Variants in ASIC2 observed in about 807,000 individuals in gnomAD.
ASIC2 encodes acid-sensing ion channel 2.
A neutral mutation model predicts 57.3 loss-of-function variants in ASIC2; 25 were observed. That is an observed-to-expected ratio of 0.44 (90% CI 0.32 to 0.61). ASIC2 has a LOEUF of 0.61. ASIC2 is among the 20% of genes least tolerant of loss of function. The pLI, the probability that ASIC2 is intolerant of heterozygous loss-of-function variation, is 0.06. For missense variants in ASIC2, 641 were observed against 738.1 expected, an observed-to-expected ratio of 0.87 and a Z score of 1.52; for synonymous variants, 319 against 307.5, an observed-to-expected ratio of 1.04 and a Z score of -0.39.
In ASIC2 at chr17:33,658,603, G is replaced by A. The variant is rs561220506; in HGVS notation, c.555+497375C>T. Among the ~76,000 whole-genome samples the A allele has an allele frequency of 1.2e-4, 19 of 152,286 alleles. 1 individual carries two copies. The South Asian group carries it at 3.9e-3, about 32-fold the overall frequency. Reference sequence around the variant, plus strand: ...TGAGGGCCTGTTGCTCGTAGATGGTGACTTCTTGTTGTGTCTGCACACGGT... The same window carrying A: ...TGAGGGCCTGTTGCTCGTAGATGGTAACTTCTTGTTGTGTCTGCACACGGT... On this transcript the variant is annotated intron_variant, in intron 1 of 9. Transcript: ENST00000359872.
chr17:33,327,583 A>C (rs1347941516), intron 1 of ASIC2, among the ~76,000 whole-genome samples: 6 of 152,168 alleles, frequency 3.9e-5, no homozygotes, highest in Non-Finnish European at 7.4e-5. Flanking sequence ...CCCTACCCTC[A>C]AGGAGCTAGT....
At chr17:34,150,169 A>G (rs1220569612) in intron 1 of ASIC2, among the ~76,000 whole-genome samples, 1 of 152,190 alleles carries the variant, frequency 6.6e-6, no homozygotes, top group Non-Finnish European at 1.5e-5. Flanking sequence ...TCTCACTTCT[A>G]TGTGGAATCT....
chr17:33,090,550 A>G (rs1028665770), intron 2 of ASIC2, among the ~76,000 whole-genome samples: 2 of 152,114 alleles, frequency 1.3e-5, no homozygotes, highest in Admixed American at 1.3e-4. Context: ...ATGGAGAGAG[A>G]ATGGATAAAT....
intron 1 of ASIC2, among the ~76,000 whole-genome samples, chr17:33,806,190 GC>G (rs1262503176): frequency 6.6e-6 from 1 of 152,128 alleles, no homozygotes; most frequent in Non-Finnish European, 1.5e-5. Context: ...ATGATTTCAG[GC>G]TCTGCCACCA....
intron 1 of ASIC2, among the ~76,000 whole-genome samples, chr17:33,516,777 T>A (rs544603928): frequency 6.6e-6 from 1 of 152,336 alleles, no homozygotes; most frequent in Admixed American, 6.5e-5. Flanking sequence ...TCCCTGTCTC[T>A]GGGACACTTT....
chr17:33,817,595 G>GT (rs1365139860), intron 1 of ASIC2, among the ~76,000 whole-genome samples: 3 of 152,112 alleles, frequency 2.0e-5, no homozygotes, highest in Non-Finnish European at 4.4e-5. Context: ...ACATTCACTG[G>GT]TTTGTATAAC....
Position 33,360,496 on chromosome 17 carries a change from T to A in ASIC2, c.556-248429A>T, listed in dbSNP as rs73982761. 2.6e-5 allele frequency among the ~76,000 whole-genome samples: 4 copies of A among 152,320 alleles called. No homozygotes were observed. The East Asian group carries it at 7.7e-4, about 29-fold the overall frequency. On this transcript the variant is annotated intron_variant, in intron 1 of 9. Transcript: ENST00000359872. ...GCTTCTCTCTGAATACCCTTGCCTC[T>A]GCCTGTAGCCCACCTCCTCCCTGCC...
At position 33,801,232 on chromosome 17, in the gene ASIC2, T is replaced by A. The variant is rs559348591; in HGVS notation, c.555+354746A>T. ...AAAGGAGAGGAAGGAAAATGAGGGT[T>A]CATCGTGTGATGGTAGGAGGAAGAA... On this transcript the variant is annotated intron_variant, in intron 1 of 9. Coordinates refer to the ASIC2 transcript ENST00000359872. Among the ~76,000 whole-genome samples the A allele has an allele frequency of 9.3e-4, 141 of 152,296 alleles. 1 individual carries two copies. The highest frequency in any genetic ancestry group is 3.3e-3 in the African/African-American group (139 of 41,566).
At chr17:33,685,111 TG>T (rs1020639016) in intron 1 of ASIC2, among the ~76,000 whole-genome samples, 2 of 152,086 alleles carry the variant, frequency 1.3e-5, no homozygotes, top group African/African-American at 4.8e-5. Flanking sequence ...TGGTTCCCCC[TG>T]GGGGGGCTTA....
intron 1 of ASIC2, among the ~76,000 whole-genome samples, chr17:33,180,150 T>C (rs1465653622): frequency 6.6e-6 from 1 of 152,222 alleles, no homozygotes; most frequent in Non-Finnish European, 1.5e-5. Context: ...GATCTTGACC[T>C]ACACTCTTAA....
intron 3 of ASIC2, among the ~76,000 whole-genome samples, chr17:33,045,742 T>G (rs894689229): frequency 3.3e-5 from 5 of 152,182 alleles, no homozygotes; most frequent in African/African-American, 1.2e-4. Flanking sequence ...AGGGGCAATT[T>G]TCATTCCAGA....
intron 1 of ASIC2, among the ~76,000 whole-genome samples, chr17:33,127,203 G>T (rs1029353178): frequency 6.6e-6 from 1 of 152,124 alleles, no homozygotes; most frequent in African/African-American, 2.4e-5. Context: ...CTAGAGAAGC[G>T]GTGGCAGAAT....
In ASIC2 at chr17:33,842,889, G is replaced by A. The variant is rs549944877; in HGVS notation, c.555+313089C>T. 4.6e-5 allele frequency among the ~76,000 whole-genome samples: 7 copies of A among 152,232 alleles called. No individual in the cohort carries two copies. In the South Asian group the frequency reaches 6.2e-4, roughly 14 times the overall value. ...TAGATGGGTTTGGAGAGGGCCCAGC[G>A]GGGAGAGCCAGGATGGATGAGTGGA... On this transcript the variant is annotated intron_variant, in intron 1 of 9. Transcript: ENST00000359872.
At position 33,313,666 on chromosome 17, in the gene ASIC2, C is replaced by T. The variant is rs1906525793; in HGVS notation, c.556-201599G>A. Among the ~76,000 whole-genome samples the T allele has an allele frequency of 2.6e-5, 4 of 152,162 alleles. No individual in the cohort carries two copies. The South Asian group carries it at 8.3e-4, about 32-fold the overall frequency. On this transcript the variant is annotated intron_variant, in intron 1 of 9. Coordinates refer to the ASIC2 transcript ENST00000359872. The stretch of plus-strand genomic sequence containing the variant: ...AACTGAACGATGGGCCCCTGTGTGA[C>T]ATTTGCTAAGAAATCCCTTCTCTGG...
At chr17:33,690,482 G>A (rs944878868) in intron 1 of ASIC2, among the ~76,000 whole-genome samples, 5 of 152,148 alleles carry the variant, frequency 3.3e-5, no homozygotes, top group Admixed American at 2.0e-4. Context: ...TGATGGCTGG[G>A]TTGTAAGAAG....
intron 1 of ASIC2, chr17:33,834,472 C>T (rs973901611): frequency 2.6e-5 from 4 of 152,188 alleles, no homozygotes; most frequent in African/African-American, 9.7e-5. Flanking sequence ...GTTTTTGTCT[C>T]ATGTGAATCA....
chr17:33,527,978 G>T (rs1014209743), intron 1 of ASIC2, among the ~76,000 whole-genome samples: 1 of 152,130 alleles, frequency 6.6e-6, no homozygotes, highest in African/African-American at 2.4e-5. Context: ...CTTCATGGAG[G>T]CCCTACTGTA....
At chr17:33,120,973 TC>T (rs2092300174) in intron 1 of ASIC2, among the ~76,000 whole-genome samples, 1 of 152,218 alleles carries the variant, frequency 6.6e-6, no homozygotes, top group African/African-American at 2.4e-5. Flanking sequence ...TGGTTCTTCA[TC>T]TTTTTGGTTC....
chr17:33,365,340 T>A (rs1428920831), intron 1 of ASIC2, among the ~76,000 whole-genome samples: 1 of 152,094 alleles, frequency 6.6e-6, no homozygotes, highest in Non-Finnish European at 1.5e-5. Context: ...GTTATCTGCC[T>A]CTTTCATGAG....
Sources: gnomAD v4.1 joint callset for allele counts (sites outside exome capture counted in the v4.1 genomes callset) on GRCh38, gnomAD v4.1.1 for gene constraint, MANE v1.5 for transcripts, NCBI Gene and HGNC (gene_info 2026-07-23, HGNC 2026-07-21) for gene names.